Variants in FRS2 observed in about 807,000 individuals in gnomAD.
The protein encoded by FRS2 is fibroblast growth factor receptor substrate 2, also known as FGFR signalling adaptor.
In FRS2, 8 loss-of-function variants were observed where a neutral mutation model predicts 43.9. The observed-to-expected ratio is 0.18, with a 90% CI of 0.11 to 0.33. The LOEUF is 0.33. FRS2 is among the 10% of genes least tolerant of loss of function. The probability of loss-of-function intolerance (pLI) is 1.00; values close to 1 mark genes in which losing one functional copy is unlikely to be tolerated. For synonymous variants in FRS2, 219 were observed against 220.3 expected (o/e 0.99, Z 0.05); for missense variants, 534 against 627.6 (o/e 0.85, Z 1.59).
At chr12:69,571,248 A>G (rs1880727390) in intron 6 of FRS2, 28 bp from the exon 7 acceptor site, 6 of 1,522,700 alleles carry the variant, frequency 3.9e-6, no homozygotes, top group African/African-American at 2.8e-5. Context: ...TATGTTAACT[A>G]TTTTTCCCTT....
chr12:69,482,297 T>G (rs1871418447), intron 1 of FRS2, among the ~76,000 whole-genome samples: 1 of 152,180 alleles, frequency 6.6e-6, no homozygotes, highest in Admixed American at 6.5e-5. Context: ...AAACAATCCT[T>G]TAAGATATGA....
At chr12:69,538,764 A>G (rs11177708) in intron 3 of FRS2, among the ~76,000 whole-genome samples, 60,438 of 151,678 alleles carry the variant, frequency 0.4, 13,666 homozygotes, top group Non-Finnish European at 0.5. Context: ...AGGTTCCCTT[A>G]TATTATTCAG....
At chr12:69,473,903 C>T (rs910154720) in intron 1 of FRS2, among the ~76,000 whole-genome samples, 2 of 152,018 alleles carry the variant, frequency 1.3e-5, no homozygotes, top group South Asian at 2.1e-4. Context: ...AGTGCGGTGG[C>T]GTGATCTTGG....
intron 4 of FRS2, among the ~76,000 whole-genome samples, chr12:69,566,519 A>C (rs1880309118): frequency 1.3e-5 from 2 of 152,166 alleles, no homozygotes; most frequent in South Asian, 2.1e-4. Flanking sequence ...AGGCAGGAGA[A>C]TCTCTTGAAC....
chr12:69,562,542 C>A (rs1879958824), intron 4 of FRS2, among the ~76,000 whole-genome samples: 1 of 152,074 alleles, frequency 6.6e-6, no homozygotes, highest in South Asian at 2.1e-4. Context: ...ACACCACCCC[C>A]CTGCTCCCAA....
chr12:69,502,669 G>C (rs888313467), intron 1 of FRS2, among the ~76,000 whole-genome samples: 1 of 152,198 alleles, frequency 6.6e-6, no homozygotes, highest in Non-Finnish European at 1.5e-5. Context: ...CTTTCATTAT[G>C]ATAAGTGAGA....
chr12:69,556,010 G>T (rs1237296282), intron 3 of FRS2, among the ~76,000 whole-genome samples: 1 of 25,852 alleles, frequency 3.9e-5, no homozygotes, highest in Admixed American at 3.4e-4. Flanking sequence ...GTGTGTGGCG[G>T]GGGGGGGGGC....
At position 69,536,101 on chromosome 12, in the gene FRS2, C is replaced by CCT. The variant is rs1877251782; in HGVS notation, c.-122+4045_-122+4046insCT. ...TTTTGGTTACTGTAGTATTTTCATTCTTTTTTTTTTTTTTTTTTTTTTTTT... is the reference window on the plus strand; with the variant it reads ...TTTTGGTTACTGTAGTATTTTCATTCCTTTTTTTTTTTTTTTTTTTTTTTTTT... On this transcript the variant is annotated intron_variant, in intron 3 of 8. Transcript: ENST00000549921. 1.1e-3 allele frequency among the ~76,000 whole-genome samples: 41 copies of CCT among 37,216 alleles called. 2 individuals are homozygous for CCT. Among genetic ancestry groups the CCT allele is most frequent in the African/African-American group, 3.4e-3 (38 of 11,164 alleles). 24.4% of individuals were successfully genotyped at this position (37,216 alleles called of 152,430 possible). A position where few individuals can be genotyped will look rare whatever the true frequency, so the allele number is the denominator to read the frequency against.
At chr12:69,484,095 C>CTTTTTTTTTTTTTTT (rs368221087) in intron 1 of FRS2, among the ~76,000 whole-genome samples, 7 of 149,262 alleles carry the variant, frequency 4.7e-5, no homozygotes, top group South Asian at 2.1e-4. Context: ...GCTTTTCTTT[C>CTTTTTTTTTTTTTTT]TTTTTTTTTG....
At chr12:69,522,438 A>G (rs1334989541) in intron 1 of FRS2, among the ~76,000 whole-genome samples, 2 of 152,108 alleles carry the variant, frequency 1.3e-5, no homozygotes, top group African/African-American at 2.4e-5. Flanking sequence ...CTGTGGGATC[A>G]GTAGTAACAT....
intron 1 of FRS2, among the ~76,000 whole-genome samples, chr12:69,490,462 T>C (rs546213220): frequency 1.3e-5 from 2 of 151,970 alleles, no homozygotes; most frequent in East Asian, 3.9e-4. Context: ...TTTGAAACTT[T>C]TGCCCAAGTT....
intron 3 of FRS2, among the ~76,000 whole-genome samples, chr12:69,553,972 A>AGCC (rs1350021349): frequency 6.6e-6 from 1 of 152,198 alleles, no homozygotes; most frequent in Non-Finnish European, 1.5e-5. Flanking sequence ...TTTTGAGCAT[A>AGCC]GCTTGTTGGC....
At chr12:69,484,787 A>C (rs1392586753) in intron 1 of FRS2, among the ~76,000 whole-genome samples, 1 of 152,156 alleles carries the variant, frequency 6.6e-6, no homozygotes, top group Non-Finnish European at 1.5e-5. Context: ...ATGGCTGTTT[A>C]GGAATTTATA....
chr12:69,569,216 C>T, intron 5 of FRS2, 120 bp downstream of exon 5: 2 of 563,366 alleles, frequency 3.6e-6, no homozygotes, highest in South Asian at 5.7e-5. Context: ...CCTTTCTTTC[C>T]ACCCTGTCTT....
At chr12:69,554,185 C>T (rs990706640) in intron 3 of FRS2, among the ~76,000 whole-genome samples, 3 of 152,052 alleles carry the variant, frequency 2.0e-5, no homozygotes, top group Non-Finnish European at 2.9e-5. Flanking sequence ...TTCTAAAGAA[C>T]CCTTCAGTAA....
chr12:69,493,582 A>G (rs1168323597), intron 1 of FRS2, among the ~76,000 whole-genome samples: 3 of 152,190 alleles, frequency 2.0e-5, no homozygotes, highest in Non-Finnish European at 4.4e-5. Flanking sequence ...TTAGCTGGGC[A>G]TGGTGGCGCA....
chr12:69,486,940 G>A (rs1872010267), intron 1 of FRS2, among the ~76,000 whole-genome samples: 1 of 152,358 alleles, frequency 6.6e-6, no homozygotes, highest in African/African-American at 2.4e-5. Flanking sequence ...TTTAAGGAAA[G>A]AGGCCATCTA....
At position 69,569,049 on chromosome 12, in the gene FRS2, T is replaced by C; in HGVS notation, c.19T>C (p.Cys7Arg). The C allele has an allele frequency of 1.2e-6, 2 of 1,612,362 alleles. No individual in the cohort carries two copies. The highest frequency in any genetic ancestry group is 8.5e-7 in the Non-Finnish European group (1 of 1,178,818). The change falls in exon 5 of 9, where the codon TGT (cysteine) becomes CGT (arginine). Residue 7 changes from cysteine (C) to arginine (R), a missense_variant. Coordinates refer to ENST00000549921, the MANE Select transcript of FRS2 (RefSeq NM_001278356.2). ...AGAAGCCATGGGTAGCTGTTGTAGC[T>C]GTCCAGATAAAGACACTGTCCCAGA... MGSCCS[C>R]PDKDTVPDNH...
intron 1 of FRS2, among the ~76,000 whole-genome samples, chr12:69,506,040 T>C (rs1247944718): frequency 1.3e-5 from 2 of 152,226 alleles, no homozygotes; most frequent in East Asian, 3.8e-4. Context: ...TAAAAATTTC[T>C]CCTAGTGCTT....
Sources: gnomAD v4.1 joint callset for allele counts (sites outside exome capture counted in the v4.1 genomes callset) on GRCh38, gnomAD v4.1.1 for gene constraint, MANE v1.5 for transcripts, NCBI Gene and HGNC (gene_info 2026-07-23, HGNC 2026-07-21) for gene names.